GABRG3: variants seen among roughly 807,000 people sequenced by gnomAD.
GABRG3 encodes gamma-aminobutyric acid receptor subunit gamma-3.
In GABRG3, 25 loss-of-function variants were observed where a neutral mutation model predicts 48.8. The ratio of observed to expected loss-of-function variants is 0.51; its 90% CI spans 0.37 to 0.72. GABRG3 has a LOEUF of 0.72. GABRG3 is among the 30% of genes least tolerant of loss of function. GABRG3 has a pLI of 0.00. For missense variants in GABRG3, 394 were observed against 577.9 expected (o/e 0.68, Z 3.26); for synonymous variants, 227 against 217.6 (o/e 1.04, Z -0.38).
intron 3 of GABRG3, among the ~76,000 whole-genome samples, chr15:27,187,682 T>G (rs538932041): frequency 6.6e-6 from 1 of 152,236 alleles, no homozygotes; most frequent in African/African-American, 2.4e-5. Flanking sequence ...GTAAATGGGA[T>G]TGTGTTATTG....
chr15:27,320,930 G>A (rs1343255895), intron 3 of GABRG3, among the ~76,000 whole-genome samples: 3 of 152,136 alleles, frequency 2.0e-5, no homozygotes, highest in Admixed American at 6.5e-5. Context: ...GACTGACATG[G>A]CCTCCTCAGG....
intron 2 of GABRG3, among the ~76,000 whole-genome samples, chr15:27,020,827 G>T (rs1486476875): frequency 6.6e-6 from 1 of 152,098 alleles, no homozygotes; most frequent in African/African-American, 2.4e-5. Context: ...AATTTTTGTT[G>T]TAACAGATGA....
At chr15:27,243,216 G>A (rs147880885) in intron 3 of GABRG3, among the ~76,000 whole-genome samples, 16 of 152,272 alleles carry the variant, frequency 1.1e-4, no homozygotes, top group African/African-American at 3.9e-4. Flanking sequence ...AAGAGGCAGG[G>A]TGTGTGTTTT....
At chr15:27,301,273 G>A (rs1295548204) in intron 3 of GABRG3, among the ~76,000 whole-genome samples, 2 of 152,118 alleles carry the variant, frequency 1.3e-5, no homozygotes, top group Non-Finnish European at 2.9e-5. Context: ...ATTTTGACCT[G>A]TGTGTTGTTT....
intron 5 of GABRG3, among the ~76,000 whole-genome samples, chr15:27,375,993 G>A (rs1431809330): frequency 1.3e-5 from 2 of 152,188 alleles, no homozygotes; most frequent in Non-Finnish European, 2.9e-5. Flanking sequence ...CCTGTAAAAT[G>A]AAAAGCAAGT....
chr15:27,410,489 G>T (rs950551685), intron 5 of GABRG3, among the ~76,000 whole-genome samples: 1 of 152,112 alleles, frequency 6.6e-6, no homozygotes, highest in African/African-American at 2.4e-5. Flanking sequence ...CTCCATTAAA[G>T]CTGTCAGAGC....
chr15:27,164,991 A>G (rs1239750903), intron 3 of GABRG3, among the ~76,000 whole-genome samples: 1 of 152,216 alleles, frequency 6.6e-6, no homozygotes, highest in Non-Finnish European at 1.5e-5. Context: ...TCAATCTTGG[A>G]TAAGAACTTT....
At chr15:27,498,112 CT>C (rs1890531048) in intron 6 of GABRG3, among the ~76,000 whole-genome samples, 1 of 152,140 alleles carries the variant, frequency 6.6e-6, no homozygotes, top group South Asian at 2.1e-4. Flanking sequence ...GGATTTATGT[CT>C]TGATTTGTCA....
chr15:27,501,243 G>A (rs1158230297), intron 6 of GABRG3, among the ~76,000 whole-genome samples: 1 of 152,158 alleles, frequency 6.6e-6, no homozygotes, highest in Admixed American at 6.5e-5. Flanking sequence ...GAGCCACCGT[G>A]CCCGGCCAAA....
chr15:27,340,052 G>A (rs1190912511), intron 5 of GABRG3, among the ~76,000 whole-genome samples: 1 of 152,130 alleles, frequency 6.6e-6, no homozygotes, highest in Non-Finnish European at 1.5e-5. Flanking sequence ...CTCCTCTTGT[G>A]TCAGGGAACC....
chr15:27,245,137 A>G (rs926803887), intron 3 of GABRG3, among the ~76,000 whole-genome samples: 4 of 152,118 alleles, frequency 2.6e-5, no homozygotes, highest in Non-Finnish European at 5.9e-5. Flanking sequence ...ACAGAGGAGA[A>G]CTGCCCTCCT....
intron 3 of GABRG3, among the ~76,000 whole-genome samples, chr15:27,102,157 C>G (rs1033242198): frequency 1.3e-5 from 2 of 152,170 alleles, no homozygotes; most frequent in African/African-American, 4.8e-5. Context: ...CAGCAAGGCC[C>G]GGGAGTCCCA....
rs1032289584 is a variant in GABRG3, at chr15:27,003,266, G to A, written c.203-23488G>A. ...TATTGATCATTCTTGGGTGTTTCTC[G>A]CAGAGGGGGATTTGGCAGGGTCATA... On this transcript the variant is annotated intron_variant, in intron 2 of 9. Coordinates refer to ENST00000615808, the MANE Select transcript of GABRG3 (RefSeq NM_033223.5). Among the ~76,000 whole-genome samples, 403 of 138,380 alleles carry A rather than the reference G, an allele frequency of 2.9e-3. 1 individual carries two copies. The highest frequency in any genetic ancestry group is 3.5e-3 in the Non-Finnish European group (225 of 64,074). 90.8% of individuals were successfully genotyped at this position (138,380 alleles called of 152,430 possible).
At chr15:27,122,735 A>C (rs573470731) in intron 3 of GABRG3, among the ~76,000 whole-genome samples, 9 of 152,168 alleles carry the variant, frequency 5.9e-5, no homozygotes, top group South Asian at 4.1e-4. Context: ...GTGTCAGTAG[A>C]TGCCTTGGTA....
chr15:26,994,127 C>G (rs1895295750), intron 2 of GABRG3, among the ~76,000 whole-genome samples: 1 of 151,918 alleles, frequency 6.6e-6, no homozygotes. Context: ...GGCAACAGAT[C>G]AGATCATTGG....
At chr15:27,216,757 T>TATTTA (rs1555410299) in intron 3 of GABRG3, among the ~76,000 whole-genome samples, 15 of 121,898 alleles carry the variant, frequency 1.2e-4, no homozygotes, top group African/African-American at 4.3e-4. Context: ...ATTTTTTATT[T>TATTTA]ATTTATTTAT....
Position 27,162,377 on chromosome 15 carries a change from C to T in GABRG3, c.270+135556C>T, listed in dbSNP as rs368428887. Reference sequence around the variant, plus strand: ...CACTGAAATCATGGTAAGGTATTGACATGGTAAAGCAGCCATACTTTTGGC... The same window carrying T: ...CACTGAAATCATGGTAAGGTATTGATATGGTAAAGCAGCCATACTTTTGGC... On this transcript the variant is annotated intron_variant, in intron 3 of 9. Coordinates refer to ENST00000615808, the MANE Select transcript of GABRG3 (RefSeq NM_033223.5). Among the ~76,000 whole-genome samples, 6 of 152,190 alleles carry T rather than the reference C, an allele frequency of 3.9e-5. No individual in the cohort carries two copies. The South Asian group carries it at 8.3e-4, about 21-fold the overall frequency.
chr15:27,069,652 A>G (rs879873226), intron 3 of GABRG3, among the ~76,000 whole-genome samples: 1 of 152,256 alleles, frequency 6.6e-6, no homozygotes, highest in Non-Finnish European at 1.5e-5. Context: ...CAGGATTATT[A>G]TTTAAACTAT....
At position 27,002,229 on chromosome 15, in the gene GABRG3, A is replaced by C. The variant is rs117212388; in HGVS notation, c.203-24525A>C. Among the ~76,000 whole-genome samples the C allele has an allele frequency of 1.5e-3, 235 of 152,256 alleles. 1 individual carries two copies. The highest frequency in any genetic ancestry group is 2.6e-3 in the Non-Finnish European group (176 of 68,026). ...GCTGAAGGCTGCTGACTGAACTCGC[A>C]CTCGAAGGACACACAGTAGTGTTTT... On this transcript the variant is annotated intron_variant, in intron 2 of 9. Coordinates refer to ENST00000615808, the MANE Select transcript of GABRG3 (RefSeq NM_033223.5).
Sources: allele counts gnomAD v4.1 joint callset (sites outside exome capture counted in the v4.1 genomes callset), GRCh38; gene constraint gnomAD v4.1.1; transcripts MANE v1.5; gene names NCBI Gene and HGNC (gene_info 2026-07-23, HGNC 2026-07-21).